The following TRPC5 variants were observed in gnomAD, a reference collection of about 807,000 sequenced individuals.
TRPC5 encodes short transient receptor potential channel 5.
A neutral mutation model predicts 56.5 loss-of-function variants in TRPC5; 9 were observed. The observed-to-expected ratio is 0.16, with a 90% CI of 0.10 to 0.28. TRPC5 has a LOEUF of 0.28. TRPC5 is among the 10% of genes least tolerant of loss of function. The pLI is 1.00. For missense variants in TRPC5, 469 were observed against 748.9 expected, an observed-to-expected ratio of 0.63 and a Z score of 4.36; for synonymous variants, 282 against 278.5, an observed-to-expected ratio of 1.01 and a Z score of -0.13.
chrX:111,812,351 T>C (rs1215788105), intron 7 of TRPC5, among the ~76,000 whole-genome samples: 1 of 111,433 alleles, frequency 9.0e-6, no homozygotes, highest in Non-Finnish European at 1.9e-5. Context: ...TATGAGGATA[T>C]GATTTTAGCT....
intron 1 of TRPC5, among the ~76,000 whole-genome samples, chrX:112,081,072 T>C (rs995488765): frequency 2.7e-5 from 3 of 112,220 alleles, no homozygotes; most frequent in African/African-American, 6.5e-5. Flanking sequence ...AGTAATAACC[T>C]TGCTAAACAC....
intron 7 of TRPC5, among the ~76,000 whole-genome samples, chrX:111,823,451 G>A (rs758581841): frequency 8.9e-6 from 1 of 111,895 alleles, no homozygotes; most frequent in East Asian, 2.8e-4. Flanking sequence ...CAAAGAACAA[G>A]GCTGAGATGT....
chrX:112,071,575 G>A (rs1930721377), intron 1 of TRPC5, among the ~76,000 whole-genome samples: 1 of 111,811 alleles, frequency 8.9e-6, no homozygotes, highest in Non-Finnish European at 1.9e-5. Flanking sequence ...TATGCTCTCT[G>A]TTGCCAGGCT....
Position 111,900,363 on chromosome X carries a change from T to C in TRPC5, c.900+11928A>G, listed in dbSNP as rs143206783. Among the ~76,000 whole-genome samples, 350 of 111,509 alleles carry C rather than the reference T, an allele frequency of 3.1e-3. 1 individual carries two copies. The highest frequency in any genetic ancestry group is 0.011 in the African/African-American group (324 of 30,735). ...AATTTACAGAATTAATAGCCAGAAA[T>C]TTAACATGTAGATATACCCAAGAAA... is the stretch of plus-strand genomic sequence containing the variant. On this transcript the variant is annotated intron_variant, in intron 3 of 10. Transcript: ENST00000262839.
chrX:111,798,395 T>A (rs1227213704), intron 7 of TRPC5, among the ~76,000 whole-genome samples: 1 of 112,209 alleles, frequency 8.9e-6, no homozygotes, highest in Non-Finnish European at 1.9e-5. Context: ...TCCAATAAAT[T>A]GCATATTGCA....
At chrX:111,970,918 C>T (rs985702808) in intron 1 of TRPC5, among the ~76,000 whole-genome samples, 2 of 109,627 alleles carry the variant, frequency 1.8e-5, no homozygotes, top group Admixed American at 1.9e-4. Flanking sequence ...GCTGGGACTA[C>T]AGGCGCCCAC....
At chrX:111,996,921 T>C (rs1928552790) in intron 1 of TRPC5, among the ~76,000 whole-genome samples, 1 of 111,654 alleles carries the variant, frequency 9.0e-6, no homozygotes, top group Admixed American at 9.6e-5. Flanking sequence ...GTCTCCTGAA[T>C]ACAGCACACT....
chrX:111,779,961 A>G (rs1945907260), intron 9 of TRPC5, among the ~76,000 whole-genome samples: 1 of 111,959 alleles, frequency 8.9e-6, no homozygotes, highest in South Asian at 3.8e-4. Context: ...CTTATTTAAG[A>G]TTTATTATTA....
chrX:111,905,637 G>A (rs1278782628), intron 3 of TRPC5, among the ~76,000 whole-genome samples: 6 of 111,767 alleles, frequency 5.4e-5, no homozygotes, highest in Admixed American at 9.5e-5. Flanking sequence ...GAAGGCGGCC[G>A]GACGCGGTGG....
intron 7 of TRPC5, among the ~76,000 whole-genome samples, chrX:111,809,882 G>GT (rs768396316): frequency 0.032 from 3,175 of 98,986 alleles, 104 homozygotes; most frequent in African/African-American, 0.1. Flanking sequence ...TCTTCATTTT[G>GT]TTTTTTTTTT....
chrX:111,928,487 T>TTC (rs758381520), intron 2 of TRPC5, among the ~76,000 whole-genome samples: 1 of 112,313 alleles, frequency 8.9e-6, no homozygotes, highest in Non-Finnish European at 1.9e-5. Flanking sequence ...ATCCCATAAT[T>TTC]TCTCTCTCTC....
At chrX:111,965,700 T>A (rs1052936807) in intron 1 of TRPC5, among the ~76,000 whole-genome samples, 1 of 111,898 alleles carries the variant, frequency 8.9e-6, no homozygotes, top group East Asian at 2.8e-4. Context: ...ACATGGAAAC[T>A]GAACAACCTG....
At chrX:111,792,447 A>G (rs1300741363) in intron 7 of TRPC5, among the ~76,000 whole-genome samples, 1 of 111,698 alleles carries the variant, frequency 9.0e-6, no homozygotes, top group Non-Finnish European at 1.9e-5. Context: ...CATTCTGTGC[A>G]TGTATACCAG....
chrX:111,854,080 CT>C lies in TRPC5; in HGVS notation c.926del (p.Gln309ArgfsTer20). 8.3e-7 allele frequency: 1 copy of C among 1,210,076 alleles called. No individual in the cohort carries two copies. Among genetic ancestry groups the C allele is most frequent in the Non-Finnish European group, 1.1e-6 (1 of 894,696 alleles). The part of the protein sequence containing the change: ...KEFVAQPNCQ[Q>X]LLATLWYDGF... The stretch of plus-strand genomic sequence containing the variant: ...CATCATACCACAGGGTGGCAAGCAA[CT>C]GTTGGCAGTTGGGCTGAGCAACAAA... On this transcript the variant is annotated frameshift_variant, in exon 4 of 11. Coordinates refer to ENST00000262839, the MANE Select transcript of TRPC5 (RefSeq NM_012471.3). LOFTEE classifies it high-confidence loss of function.
At chrX:111,927,525 T>G (rs1926291593) in intron 2 of TRPC5, among the ~76,000 whole-genome samples, 1 of 111,557 alleles carries the variant, frequency 9.0e-6, no homozygotes, top group South Asian at 3.8e-4. Flanking sequence ...AAAAGTCATC[T>G]CTTAGTAATG....
At chrX:111,941,284 T>C (rs1210881144) in intron 2 of TRPC5, among the ~76,000 whole-genome samples, 1 of 112,167 alleles carries the variant, frequency 8.9e-6, no homozygotes, top group Non-Finnish European at 1.9e-5. Context: ...AATTTATAGA[T>C]CTTGTGTGAT....
At chrX:111,820,236 A>C (rs1921989805) in intron 7 of TRPC5, among the ~76,000 whole-genome samples, 1 of 111,893 alleles carries the variant, frequency 8.9e-6, no homozygotes, top group South Asian at 3.8e-4. Context: ...ATCAGTGAAA[A>C]GGTATTTATT....
intron 1 of TRPC5, among the ~76,000 whole-genome samples, chrX:111,993,927 T>G (rs1928440799): frequency 8.9e-6 from 1 of 112,239 alleles, no homozygotes; most frequent in Non-Finnish European, 1.9e-5. Context: ...TTTGTCTATT[T>G]TGGCTTTTGT....
At chrX:112,004,064 C>T (rs111302239) in intron 1 of TRPC5, among the ~76,000 whole-genome samples, 10,555 of 111,771 alleles carry the variant, frequency 0.094, 780 homozygotes, top group African/African-American at 0.26. Flanking sequence ...CTATGCATGA[C>T]ATCCTCATAT....
Sources: gnomAD v4.1 joint callset for allele counts (sites outside exome capture counted in the v4.1 genomes callset) on GRCh38, gnomAD v4.1.1 for gene constraint, MANE v1.5 for transcripts, NCBI Gene and HGNC (gene_info 2026-07-23, HGNC 2026-07-21) for gene names.